The following NRXN1 variants were observed in gnomAD, a reference collection of about 807,000 sequenced individuals.
NRXN1 encodes the protein neurexin 1, also known as neurexin-1.
Under a neutral mutation model 150.9 loss-of-function variants are expected in NRXN1, and 39 were observed. The observed-to-expected ratio is 0.26, with a 90% CI of 0.20 to 0.34. NRXN1 has a LOEUF of 0.34. Among genes scored for constraint, NRXN1 ranks in the 10% least tolerant of loss-of-function variants. The pLI is 1.00. For missense variants in NRXN1, 1,815 were observed against 1,949.9 expected, an observed-to-expected ratio of 0.93 and a Z score of 1.30; for synonymous variants, 924 against 757.0, an observed-to-expected ratio of 1.22 and a Z score of -3.62.
At chr2:50,501,400 A>AGTGTGTGTGTGTGTGTGTGTGTGTGTGT in intron 13 of NRXN1, among the ~76,000 whole-genome samples, 1 of 148,180 alleles carries the variant, frequency 6.7e-6, no homozygotes, top group African/African-American at 2.5e-5. Flanking sequence ...TGTGTGTGTG[A>AGTGTGTGTGTGTGTGTGTGTGTGTGTGT]GTGTGTGTGT....
chr2:50,157,144 CA>C (rs2059069888), intron 18 of NRXN1, among the ~76,000 whole-genome samples: 1 of 151,934 alleles, frequency 6.6e-6, no homozygotes, highest in Non-Finnish European at 1.5e-5. Flanking sequence ...TTCTGTTTTG[CA>C]ATATGAATGG....
intron 5 of NRXN1, among the ~76,000 whole-genome samples, chr2:50,797,961 A>G (rs1022085139): frequency 2.6e-5 from 4 of 152,228 alleles, no homozygotes; most frequent in African/African-American, 4.8e-5. Context: ...CTCTGCTCAC[A>G]TAACTCAACT....
intron 5 of NRXN1, among the ~76,000 whole-genome samples, chr2:50,760,523 T>C (rs1701685077): frequency 6.6e-6 from 1 of 151,852 alleles, no homozygotes; most frequent in South Asian, 2.1e-4. Flanking sequence ...GTACAGCTGT[T>C]GTGAGGCTCC....
At chr2:50,470,023 T>A (rs1377881636) in intron 16 of NRXN1, among the ~76,000 whole-genome samples, 2 of 151,538 alleles carry the variant, frequency 1.3e-5, no homozygotes, top group Admixed American at 6.6e-5. Flanking sequence ...ATACCAGTGG[T>A]GGGGGTCCTG....
chr2:50,472,493 T>C (rs202136943), intron 15 of NRXN1, 22 bp from the exon 16 acceptor site: 2 of 1,601,544 alleles, frequency 1.2e-6, no homozygotes, highest in African/African-American at 1.3e-5. Context: ...TCAAAGTCTT[T>C]GTTACAAAAG....
At chr2:50,559,280 A>G (rs1668705865) in intron 8 of NRXN1, among the ~76,000 whole-genome samples, 1 of 152,182 alleles carries the variant, frequency 6.6e-6, no homozygotes, top group South Asian at 2.1e-4. Flanking sequence ...GATAAATTGC[A>G]TTTGCTTTGC....
At chr2:50,495,241 CA>C (rs1372420566) in intron 15 of NRXN1, among the ~76,000 whole-genome samples, 1 of 152,014 alleles carries the variant, frequency 6.6e-6, no homozygotes, top group East Asian at 1.9e-4. Context: ...CTATTATTGA[CA>C]TGTTTTCTCA....
chr2:50,579,167 C>T (rs1457822424), intron 8 of NRXN1, among the ~76,000 whole-genome samples: 2 of 152,142 alleles, frequency 1.3e-5, no homozygotes, highest in African/African-American at 4.8e-5. Context: ...TGTTTTGCAC[C>T]AGTTTTTAAA....
intron 17 of NRXN1, among the ~76,000 whole-genome samples, chr2:50,450,723 C>T (rs2086879920): frequency 6.6e-6 from 1 of 152,170 alleles, no homozygotes; most frequent in Admixed American, 6.6e-5. Flanking sequence ...TTTCCTCCAA[C>T]TGCGTTTTAG....
At chr2:50,565,194 G>C (rs1669662468) in intron 8 of NRXN1, among the ~76,000 whole-genome samples, 2 of 152,052 alleles carry the variant, frequency 1.3e-5, no homozygotes, top group Non-Finnish European at 2.9e-5. Flanking sequence ...CTTTAGGAGA[G>C]AAGCAGGAAT....
chr2:51,018,597 G>A (rs576029788), intron 2 of NRXN1, among the ~76,000 whole-genome samples: 41 of 152,140 alleles, frequency 2.7e-4, no homozygotes, highest in Non-Finnish European at 5.6e-4. Flanking sequence ...TTCTCATTAC[G>A]ACATTTCAAT....
chr2:51,010,758 C>T (rs148973395), intron 2 of NRXN1, among the ~76,000 whole-genome samples: 19 of 151,698 alleles, frequency 1.3e-4, no homozygotes, highest in Non-Finnish European at 7.4e-5. Context: ...CGTTGCCACA[C>T]CTTTCGGCCA....
chr2:50,323,697 T>C (rs2076198558), intron 17 of NRXN1, among the ~76,000 whole-genome samples: 1 of 152,140 alleles, frequency 6.6e-6, no homozygotes, highest in African/African-American at 2.4e-5. Flanking sequence ...TGCGAAGAGT[T>C]TGAAATTAAT....
At chr2:51,005,897 T>G (rs1406591827) in intron 2 of NRXN1, among the ~76,000 whole-genome samples, 1 of 151,730 alleles carries the variant, frequency 6.6e-6, no homozygotes, top group African/African-American at 2.4e-5. Flanking sequence ...AAGAAACCCA[T>G]CTTATCTGCA....
At chr2:49,941,031 G>A (rs766498693) in intron 22 of NRXN1, among the ~76,000 whole-genome samples, 4 of 152,060 alleles carry the variant, frequency 2.6e-5, no homozygotes, top group African/African-American at 7.2e-5. Context: ...ATCAGTAGCT[G>A]GTGTGTTTTG....
Position 50,865,507 on chromosome 2 carries a change from T to G in NRXN1, c.832+56362A>C, listed in dbSNP as rs372262800. 9.2e-5 allele frequency among the ~76,000 whole-genome samples: 14 copies of G among 151,622 alleles called. No homozygotes were observed. In the East Asian group the frequency reaches 9.8e-4, roughly 11 times the overall value. ...AAAAGCTGAGTCTGGTCCAGGTCTC[T>G]CTGGTTCCAGAGTGTATTTACCCAT... On this transcript the variant is annotated intron_variant, in intron 5 of 22. Transcript: ENST00000401669.
chr2:50,382,412 C>T (rs1460406245), intron 17 of NRXN1, among the ~76,000 whole-genome samples: 1 of 152,106 alleles, frequency 6.6e-6, no homozygotes. Flanking sequence ...AAGACTTTTA[C>T]AGACTTTACT....
At chr2:50,438,042 A>T (rs1338578976) in intron 17 of NRXN1, among the ~76,000 whole-genome samples, 2 of 152,180 alleles carry the variant, frequency 1.3e-5, no homozygotes, top group Non-Finnish European at 2.9e-5. Context: ...TACAGCCAGA[A>T]ACACCAAAAA....
At chr2:50,208,630 C>T (rs77427321) in intron 18 of NRXN1, among the ~76,000 whole-genome samples, 31,949 of 151,950 alleles carry the variant, frequency 0.21, 3,866 homozygotes, top group East Asian at 0.43. Context: ...AGGGGCTGTA[C>T]TCCACCCTGC....
Sources: gnomAD v4.1 joint callset for allele counts (sites outside exome capture counted in the v4.1 genomes callset) on GRCh38, gnomAD v4.1.1 for gene constraint, MANE v1.5 for transcripts, NCBI Gene and HGNC (gene_info 2026-07-23, HGNC 2026-07-21) for gene names.